LRRC7: variants seen among roughly 807,000 people sequenced by gnomAD.
LRRC7 encodes the protein leucine-rich repeat-containing protein 7.
A neutral mutation model predicts 175.7 loss-of-function variants in LRRC7; 23 were observed. That is an observed-to-expected ratio of 0.13 (90% confidence interval 0.09 to 0.19). The LOEUF is 0.19. Among genes scored for constraint, LRRC7 ranks in the 10% least tolerant of loss-of-function variants. LRRC7 has a pLI of 1.00. For missense variants in LRRC7, 1,354 were observed against 1,904.7 expected (o/e 0.71, Z 5.38); for synonymous variants, 685 against 680.9 (o/e 1.01, Z -0.09).
chr1:70,107,779 G>C lies in LRRC7; in HGVS notation c.4573G>C (p.Asp1525His). 6.2e-7 allele frequency: 1 copy of C among 1,613,370 alleles called. No individual in the cohort carries two copies. The highest frequency in any genetic ancestry group is 8.5e-7 in the Non-Finnish European group (1 of 1,179,480). ...KGIFVTRVQP[D>H]GPASNLLQPG... ...TATCTTTGTTACTAGGGTTCAGCCT[G>C]ATGGGCCAGCATCAAACCTACTGCA... The change falls in exon 26 of 27, where the codon GAT becomes CAT. Residue 1525 changes from aspartate (D) to histidine (H), a missense_variant. Physicochemically the swap from Asp to His is moderately conservative, Grantham distance 81. Around this residue, in one of 4 missense-constraint regions of LRRC7, gnomAD observed 53 missense variants for 112.6 expected, o/e 0.47. Coordinates refer to ENST00000651989, the MANE Select transcript of LRRC7 (RefSeq NM_001370785.2).
chr1:69,697,817 T>A (rs1300132647), intron 2 of LRRC7, among the ~76,000 whole-genome samples: 2 of 152,154 alleles, frequency 1.3e-5, no homozygotes, highest in African/African-American at 4.8e-5. Flanking sequence ...AAAACTGATA[T>A]TGGAGGAGGT....
At chr1:70,073,470 T>A (rs1410469285) in intron 23 of LRRC7, among the ~76,000 whole-genome samples, 1 of 151,982 alleles carries the variant, frequency 6.6e-6, no homozygotes, top group Non-Finnish European at 1.5e-5. Context: ...AAATTAAAAC[T>A]CAATTCAAAT....
intron 8 of LRRC7, among the ~76,000 whole-genome samples, chr1:69,977,672 G>T (rs1423170870): frequency 6.6e-6 from 1 of 152,160 alleles, no homozygotes; most frequent in Non-Finnish European, 1.5e-5. Context: ...CATAATTGCT[G>T]CATGGCACTT....
intron 2 of LRRC7, among the ~76,000 whole-genome samples, chr1:69,723,127 T>G (rs905652714): frequency 1.3e-5 from 2 of 152,128 alleles, no homozygotes; most frequent in Non-Finnish European, 2.9e-5. Flanking sequence ...TTTAATTCTC[T>G]CGAAGCAGTT....
chr1:69,693,408 G>A (rs910123638), intron 2 of LRRC7, among the ~76,000 whole-genome samples: 3 of 152,100 alleles, frequency 2.0e-5, no homozygotes, highest in Admixed American at 2.0e-4. Flanking sequence ...TAAGAAATTG[G>A]CTCCCATGAT....
chr1:69,692,464 A>G (rs1377949353), intron 2 of LRRC7, among the ~76,000 whole-genome samples: 3 of 152,164 alleles, frequency 2.0e-5, no homozygotes, highest in Non-Finnish European at 4.4e-5. Flanking sequence ...CTAGAAGGGC[A>G]TTTATTAGGG....
chr1:69,849,132 A>G (rs1436255018), intron 7 of LRRC7, among the ~76,000 whole-genome samples: 1 of 152,042 alleles, frequency 6.6e-6, no homozygotes, highest in Non-Finnish European at 1.5e-5. Context: ...TATAAAATAA[A>G]TGCACTATAA....
chr1:69,781,300 A>T (rs1398649039), intron 3 of LRRC7, among the ~76,000 whole-genome samples: 1 of 152,044 alleles, frequency 6.6e-6, no homozygotes, highest in Non-Finnish European at 1.5e-5. Flanking sequence ...CCCTCCCAGA[A>T]AGCCTGTGAG....
rs577129174 is a variant in LRRC7, at chr1:69,955,797, C to A, written c.711+24227C>A. ...GAGCATGTAATTCCAAATTACATAA[C>A]CTTGGCCCTTGTACATTGAGCCAAT... On this transcript the variant is annotated intron_variant, in intron 8 of 26. Coordinates refer to ENST00000651989, the MANE Select transcript of LRRC7 (RefSeq NM_001370785.2). 6.3e-4 allele frequency among the ~76,000 whole-genome samples: 96 copies of A among 151,922 alleles called. 1 individual carries two copies. The highest frequency in any genetic ancestry group is 2.1e-3 in the African/African-American group (89 of 41,480).
Position 70,138,498 on chromosome 1 carries a change from A to G in LRRC7, c.*16611A>G, listed in dbSNP as rs920158711. 1 of 152,210 alleles carries G rather than the reference A, an allele frequency of 6.6e-6. No homozygotes were observed. Among genetic ancestry groups the G allele is most frequent in the African/African-American group, 2.4e-5 (1 of 41,446 alleles). The allele number at this position is 152,210 out of a possible 1,614,324, so 9.4% of individuals were successfully genotyped here. ...ATATTGGTCCTTTTGTGACTGAGCT[A>G]TATGATAAACTAAGGAAAACTACAG... On this transcript the variant is annotated 3_prime_UTR_variant, in exon 27 of 27. Transcript: ENST00000651989.
chr1:69,871,200 C>T (rs1195686030), intron 7 of LRRC7, among the ~76,000 whole-genome samples: 1 of 151,978 alleles, frequency 6.6e-6, no homozygotes, highest in African/African-American at 2.4e-5. Context: ...TACGTATGCC[C>T]TATCTTCAAA....
At chr1:70,030,250 C>A (rs568417205) in intron 18 of LRRC7, among the ~76,000 whole-genome samples, 1 of 152,316 alleles carries the variant, frequency 6.6e-6, no homozygotes, top group South Asian at 2.1e-4. Context: ...ACAGTGACTT[C>A]TTATTGCTAA....
At chr1:69,744,958 C>A (rs1016709969) in intron 2 of LRRC7, among the ~76,000 whole-genome samples, 1 of 151,812 alleles carries the variant, frequency 6.6e-6, no homozygotes, top group Admixed American at 6.6e-5. Context: ...TTACATGGTT[C>A]TCTTATAATG....
intron 7 of LRRC7, among the ~76,000 whole-genome samples, chr1:69,872,549 G>C (rs1028222913): frequency 1.4e-4 from 21 of 151,970 alleles, no homozygotes; most frequent in Admixed American, 2.6e-4. Flanking sequence ...ATTAATTTGA[G>C]CTATTGCTGT....
At chr1:69,908,354 T>G (rs1357567943) in intron 7 of LRRC7, among the ~76,000 whole-genome samples, 1 of 152,016 alleles carries the variant, frequency 6.6e-6, no homozygotes, top group African/African-American at 2.4e-5. Flanking sequence ...ATTGTGATGT[T>G]AGGGTGTCAA....
intron 9 of LRRC7, among the ~76,000 whole-genome samples, chr1:69,985,745 G>C (rs1653883541): frequency 6.6e-6 from 1 of 152,154 alleles, no homozygotes; most frequent in South Asian, 2.1e-4. Context: ...GTGGTCTTTT[G>C]TGACTGGCAT....
chr1:70,070,603 T>C (rs61784281), intron 23 of LRRC7, among the ~76,000 whole-genome samples: 23,322 of 152,104 alleles, frequency 0.15, 2,852 homozygotes, highest in African/African-American at 0.33. Context: ...ACCACTCCAG[T>C]TGGGGAAGGG....
At chr1:69,785,214 A>G (rs1352357729) in intron 3 of LRRC7, among the ~76,000 whole-genome samples, 3 of 152,122 alleles carry the variant, frequency 2.0e-5, no homozygotes, top group African/African-American at 7.2e-5. Flanking sequence ...CTTTAAATAT[A>G]TTAATGTTAC....
At chr1:70,082,922 A>G (rs1663332054) in intron 24 of LRRC7, among the ~76,000 whole-genome samples, 1 of 150,858 alleles carries the variant, frequency 6.6e-6, no homozygotes, top group South Asian at 2.1e-4. Context: ...AGTAGCTGGG[A>G]TTACAGCATG....
Sources: allele counts gnomAD v4.1 joint callset (sites outside exome capture counted in the v4.1 genomes callset), GRCh38; gene constraint gnomAD v4.1.1; regional missense constraint gnomAD v4.1.1; transcripts MANE v1.5; gene names NCBI Gene and HGNC (gene_info 2026-07-23, HGNC 2026-07-21).